The following REEP3 variants were observed in gnomAD, a reference collection of about 807,000 sequenced individuals.
REEP3 encodes receptor accessory protein 3.
Under a neutral mutation model 41.3 loss-of-function variants are expected in REEP3, and 20 were observed. That is an observed-to-expected ratio of 0.48 (90% CI 0.34 to 0.70). The LOEUF (loss-of-function observed/expected upper bound fraction) is 0.70. Ranked by LOEUF, REEP3 falls within the 30% of genes least tolerant of loss-of-function variation. REEP3 has a pLI of 0.01. For synonymous variants in REEP3, 104 were observed against 101.8 expected (o/e 1.02, Z -0.13); for missense variants, 271 against 308.8 (o/e 0.88, Z 0.92).
intron 2 of REEP3, among the ~76,000 whole-genome samples, chr10:63,590,809 G>A (rs1268905033): frequency 2.0e-5 from 3 of 152,056 alleles, no homozygotes; most frequent in African/African-American, 7.2e-5. Flanking sequence ...AATTGTTTCC[G>A]AACTGGAAAG....
chr10:63,537,132 A>G (rs1473897732), intron 1 of REEP3, among the ~76,000 whole-genome samples: 1 of 152,242 alleles, frequency 6.6e-6, no homozygotes, highest in Non-Finnish European at 1.5e-5. Flanking sequence ...TTGGTAAGTA[A>G]ACATTGGTTT....
chr10:63,568,411 C>T (rs1318431179), intron 2 of REEP3, among the ~76,000 whole-genome samples: 2 of 151,752 alleles, frequency 1.3e-5, no homozygotes, highest in African/African-American at 4.8e-5. Flanking sequence ...GGACTACAGG[C>T]GCCCGCCACC....
intron 2 of REEP3, among the ~76,000 whole-genome samples, chr10:63,571,762 T>C (rs1022136610): frequency 1.3e-5 from 2 of 152,248 alleles, no homozygotes; most frequent in African/African-American, 2.4e-5. Context: ...TTGTTCTAAC[T>C]GCAGTCTTAT....
intron 1 of REEP3, among the ~76,000 whole-genome samples, chr10:63,527,160 T>C (rs1046571755): frequency 2.6e-5 from 4 of 152,272 alleles, no homozygotes; most frequent in Admixed American, 2.6e-4. Context: ...AATGGATGTC[T>C]TCAAAGGCTA....
At chr10:63,521,613 A>G in intron 1 of REEP3, 36 bp downstream of exon 1, 2 of 1,378,948 alleles carry the variant, frequency 1.5e-6, no homozygotes. Flanking sequence ...AGCCGGCGCG[A>G]GGCCCAGGGG....
At chr10:63,606,112 A>AT (rs1339243240) in intron 5 of REEP3, 2 of 962,368 alleles carry the variant, frequency 2.1e-6, no homozygotes, top group African/African-American at 3.5e-5. Context: ...GTTAGGATCA[A>AT]TTTTAACATA....
chr10:63,603,080 G>A (rs1475657151), intron 5 of REEP3, among the ~76,000 whole-genome samples: 1 of 150,934 alleles, frequency 6.6e-6, no homozygotes, highest in Admixed American at 6.6e-5. Flanking sequence ...TTGGGAGGCT[G>A]AGGCGGGCGG....
rs59559921 is a variant in REEP3, at chr10:63,598,483, C to CAA, written c.303+357_303+358dup. Among the ~76,000 whole-genome samples, 294 of 65,556 alleles carry CAA rather than the reference C, an allele frequency of 4.5e-3. 7 individuals carry two copies. Among genetic ancestry groups the CAA allele is most frequent in the Middle Eastern group, 0.02 (1 of 50 alleles). 43.0% of individuals were successfully genotyped at this position (65,556 alleles called of 152,430 possible). On this transcript the variant is annotated intron_variant, in intron 4 of 7. Coordinates refer to ENST00000373758, the MANE Select transcript of REEP3 (RefSeq NM_001001330.3). ...TGAGTGACAGAATGAGACTCCATCT[C>CAA]AAAAAAAAAAAAAAAAAAAGGCCGG... is the stretch of plus-strand genomic sequence containing the variant.
At chr10:63,587,236 T>C (rs1156602943) in intron 2 of REEP3, among the ~76,000 whole-genome samples, 1 of 152,224 alleles carries the variant, frequency 6.6e-6, no homozygotes, top group Non-Finnish European at 1.5e-5. Flanking sequence ...GTCTGCTGCA[T>C]GAGAACATCA....
chr10:63,579,714 G>A (rs1483153737), intron 2 of REEP3, among the ~76,000 whole-genome samples: 1 of 152,238 alleles, frequency 6.6e-6, no homozygotes, highest in African/African-American at 2.4e-5. Context: ...ACCAACTGTA[G>A]TGCCAATGGA....
chr10:63,623,667 C>G lies in REEP3; in HGVS notation c.*2798C>G, dbSNP rs1956372265. The G allele has an allele frequency of 6.6e-6, 1 of 151,502 alleles. No individual in the cohort carries two copies. Among genetic ancestry groups the G allele is most frequent in the African/African-American group, 2.4e-5 (1 of 41,180 alleles). 9.4% of individuals were successfully genotyped at this position (151,502 alleles called of 1,614,324 possible). On this transcript the variant is annotated 3_prime_UTR_variant, in exon 8 of 8. Coordinates refer to ENST00000373758, the MANE Select transcript of REEP3 (RefSeq NM_001001330.3). ...TATTTTTTCCTGGTATAAAAAGGAG[C>G]CAGAAATAAGCCTTATTGCTAAATA...
chr10:63,614,468 T>A (rs1168996198), intron 6 of REEP3, among the ~76,000 whole-genome samples: 1 of 152,184 alleles, frequency 6.6e-6, no homozygotes, highest in Non-Finnish European at 1.5e-5. Context: ...ACATCTGCTG[T>A]CTGAGCTGAA....
rs1053554961 is a variant in REEP3, at chr10:63,624,320, T to C, written c.*3451T>C. On this transcript the variant is annotated 3_prime_UTR_variant, in exon 8 of 8. Transcript: ENST00000373758. ...AAATTATAGCTTTTTTCCCAAAATA[T>C]TTTTAAGATTTAATCTTTTTGTAGT... 1 of 152,160 alleles carries C rather than the reference T, an allele frequency of 6.6e-6. No individual in the cohort carries two copies. Among genetic ancestry groups the C allele is most frequent in the Non-Finnish European group, 1.5e-5 (1 of 67,980 alleles). The allele number at this position is 152,160 out of a possible 1,614,324, so 9.4% of individuals were successfully genotyped here. A position where few individuals can be genotyped will look rare whatever the true frequency, so the allele number is the denominator to read the frequency against.
chr10:63,611,948 AAAAAG>A (rs1956280353), intron 6 of REEP3, among the ~76,000 whole-genome samples: 1 of 151,552 alleles, frequency 6.6e-6, no homozygotes. Flanking sequence ...TCAGAAAAAA[AAAAAG>A]AAAAAGAAAA....
intron 2 of REEP3, among the ~76,000 whole-genome samples, chr10:63,590,361 T>C (rs1288299038): frequency 4.6e-5 from 7 of 152,256 alleles, no homozygotes. Context: ...GTGAGTGTTA[T>C]TTTTAATGTT....
chr10:63,559,638 C>A (rs185798838), intron 1 of REEP3, among the ~76,000 whole-genome samples: 1 of 152,126 alleles, frequency 6.6e-6, no homozygotes, highest in Non-Finnish European at 1.5e-5. Context: ...AATTATATGA[C>A]CTTGGGTTAG....
intron 3 of REEP3, among the ~76,000 whole-genome samples, chr10:63,597,728 C>G (rs953668373): frequency 6.6e-6 from 1 of 151,940 alleles, no homozygotes; most frequent in Non-Finnish European, 1.5e-5. Context: ...GCCTGGACAA[C>G]ATGGTGAAAC....
intron 1 of REEP3, among the ~76,000 whole-genome samples, chr10:63,533,710 C>CTTTTTTTTTTTTTATTTTTTTTTT (rs1955447083): frequency 9.9e-6 from 1 of 101,070 alleles, no homozygotes; most frequent in Non-Finnish European, 2.2e-5. Context: ...GTATGTAAAT[C>CTTTTTTTTTTTTTATTTTTTTTTT]TTTTTTTTTT....
rs868857989 is a variant in REEP3 at position 63,594,997 on chromosome 10, C to T, written c.182+143C>T. 1.4e-5 allele frequency: 9 copies of T among 650,528 alleles called. No individual in the cohort carries two copies. In the Middle Eastern group the frequency reaches 1.0e-3, roughly 73 times the overall value. 40.3% of individuals were successfully genotyped at this position (650,528 alleles called of 1,614,324 possible). ...CATTTGTTTTTGTCATCTGCTTTCCCATAGAACACTACTTTCCTTTTAGTC... is the reference window on the plus strand; with the variant it reads ...CATTTGTTTTTGTCATCTGCTTTCCTATAGAACACTACTTTCCTTTTAGTC... On this transcript the variant is annotated intron_variant, in intron 3 of 7. Transcript: ENST00000373758.
Sources: gnomAD v4.1 joint callset for allele counts (sites outside exome capture counted in the v4.1 genomes callset) on GRCh38, gnomAD v4.1.1 for gene constraint, MANE v1.5 for transcripts, NCBI Gene and HGNC (gene_info 2026-07-23, HGNC 2026-07-21) for gene names.